TNS3: variants seen among roughly 807,000 people sequenced by gnomAD.
TNS3 encodes tensin-3.
Under a neutral mutation model 140.9 loss-of-function variants are expected in TNS3, and 45 were observed. That is an observed-to-expected ratio of 0.32 (90% CI 0.25 to 0.41). The LOEUF (loss-of-function observed/expected upper bound fraction) is 0.41, where lower values mean the gene tolerates loss of function less well. Ranked by LOEUF, TNS3 falls within the 10% of genes least tolerant of loss-of-function variation. TNS3 has a pLI of 1.00. For synonymous variants in TNS3, 815 were observed against 788.4 expected (o/e 1.03, Z -0.56); for missense variants, 1,716 against 1,906.7 (o/e 0.90, Z 1.86).
chr7:47,551,425 C>T (rs753100015), intron 1 of TNS3, among the ~76,000 whole-genome samples: 2 of 152,196 alleles, frequency 1.3e-5, no homozygotes, highest in Non-Finnish European at 2.9e-5. Flanking sequence ...GGGCACAAAA[C>T]GTCATGTGGC....
chr7:47,369,189 T>A lies in TNS3; in HGVS notation c.1457A>T (p.Asp486Val). The A allele has an allele frequency of 6.2e-7, 1 of 1,614,116 alleles. No individual in the cohort carries two copies. The highest frequency in any genetic ancestry group is 8.5e-7 in the Non-Finnish European group (1 of 1,180,024). ...CCCAAGGCTGTCCACACTGTGCAGG[T>A]CGTGGTGGGGCATCTCGTCATCCAG... ...DILDDEMPHH[D>V]LHSVDSLGTL... Residue 486 changes from aspartate to valine, a missense_variant, in exon 17 of 31, where the codon GAC (aspartate) becomes GTC (valine). By Grantham distance (152) the Asp-to-Val change is radical. Coordinates refer to ENST00000311160, the MANE Select transcript of TNS3 (RefSeq NM_022748.12).
At chr7:47,472,452 G>A (rs2151746222) in intron 4 of TNS3, among the ~76,000 whole-genome samples, 1 of 152,316 alleles carries the variant, frequency 6.6e-6, no homozygotes, top group South Asian at 2.1e-4. Context: ...CTCCTTCACT[G>A]GTACTCACTG....
intron 20 of TNS3, among the ~76,000 whole-genome samples, chr7:47,339,292 A>G (rs1354701449): frequency 1.3e-5 from 2 of 152,104 alleles, no homozygotes; most frequent in Non-Finnish European, 2.9e-5. Flanking sequence ...GATCCCAAAG[A>G]TTTTCTCCCA....
intron 17 of TNS3, among the ~76,000 whole-genome samples, chr7:47,354,819 G>A (rs972371620): frequency 9.2e-5 from 14 of 152,046 alleles, no homozygotes; most frequent in African/African-American, 2.2e-4. Flanking sequence ...CTCTTGTCGC[G>A]GTGACACGCT....
intron 1 of TNS3, among the ~76,000 whole-genome samples, chr7:47,563,976 G>A (rs892645342): frequency 9.9e-5 from 15 of 152,008 alleles, no homozygotes; most frequent in African/African-American, 3.6e-4. Context: ...GGCAGATCAC[G>A]AGGTCAGGAG....
intron 3 of TNS3, among the ~76,000 whole-genome samples, chr7:47,486,924 T>C (rs1469056663): frequency 1.3e-5 from 2 of 152,354 alleles, no homozygotes; most frequent in Non-Finnish European, 2.9e-5. Context: ...TTCAATTCTA[T>C]CTTTTCCAAA....
intron 20 of TNS3, among the ~76,000 whole-genome samples, chr7:47,308,705 C>G (rs1301310133): frequency 1.3e-5 from 2 of 152,162 alleles, no homozygotes; most frequent in South Asian, 2.1e-4. Flanking sequence ...AGTTATCCCC[C>G]ACTACTGGGC....
chr7:47,320,951 A>G (rs1787701100), intron 20 of TNS3, among the ~76,000 whole-genome samples: 1 of 152,226 alleles, frequency 6.6e-6, no homozygotes, highest in Non-Finnish European at 1.5e-5. Context: ...CAAGCACTCG[A>G]AAGATCCATC....
In TNS3 at chr7:47,383,433, T is replaced by C. The variant is rs113160150; in HGVS notation, c.1024+13367A>G. Among the ~76,000 whole-genome samples the C allele has an allele frequency of 9.0e-3, 1,378 of 152,284 alleles. 25 individuals are homozygous for C. The highest frequency in any genetic ancestry group is 0.032 in the African/African-American group (1,315 of 41,554). Reference sequence around the variant, plus strand: ...CCACTAATGAGTACAGGGCTTCTTTTGGGGTGATGAAGATGTTCTGGAATT... The same window carrying C: ...CCACTAATGAGTACAGGGCTTCTTTCGGGGTGATGAAGATGTTCTGGAATT... On this transcript the variant is annotated intron_variant, in intron 16 of 30. Transcript: ENST00000311160.
intron 20 of TNS3, among the ~76,000 whole-genome samples, chr7:47,313,038 G>A (rs1280119841): frequency 6.6e-6 from 1 of 152,218 alleles, no homozygotes; most frequent in Non-Finnish European, 1.5e-5. Context: ...ATGAGACCAT[G>A]TGCAAATTAC....
chr7:47,419,782 G>C (rs1794274973), intron 10 of TNS3, among the ~76,000 whole-genome samples: 1 of 152,072 alleles, frequency 6.6e-6, no homozygotes, highest in African/African-American at 2.4e-5. Flanking sequence ...CCTGCCAACT[G>C]TTCTCTGGCC....
At chr7:47,375,775 TCAG>T (rs1441569949) in intron 16 of TNS3, among the ~76,000 whole-genome samples, 1 of 152,214 alleles carries the variant, frequency 6.6e-6, no homozygotes. Context: ...ATCTCACACT[TCAG>T]CACCCTCCAT....
At chr7:47,415,319 G>A (rs752873199) in intron 10 of TNS3, 113 bp from the exon 11 acceptor site, 30 of 695,164 alleles carry the variant, frequency 4.3e-5, no homozygotes, top group Middle Eastern at 5.7e-4. Flanking sequence ...GGAGAGAATC[G>A]GTCCACTGCT....
Position 47,280,276 on chromosome 7 carries a change from A to T in TNS3, c.4166+10T>A, listed in dbSNP as rs201951346. The T allele has an allele frequency of 1.2e-6, 2 of 1,614,164 alleles. No homozygotes were observed. Among genetic ancestry groups the T allele is most frequent in the Non-Finnish European group, 1.7e-6 (2 of 1,180,014 alleles). On this transcript the variant is annotated intron_variant, in intron 29 of 30. Transcript: ENST00000311160. ...ACACTCCTTGCTCAATAAAAATGCAAATTTCTTACTTCCTGTCTTGTGGGT... is the reference window on the plus strand; with the variant it reads ...ACACTCCTTGCTCAATAAAAATGCATATTTCTTACTTCCTGTCTTGTGGGT...
At chr7:47,300,076 G>A (rs1352280069) in intron 23 of TNS3, among the ~76,000 whole-genome samples, 2 of 152,170 alleles carry the variant, frequency 1.3e-5, no homozygotes, top group Non-Finnish European at 2.9e-5. Context: ...TTAAGTATGT[G>A]ACAAATTGCA....
chr7:47,419,042 C>A (rs1210904068), intron 10 of TNS3, among the ~76,000 whole-genome samples: 2 of 152,254 alleles, frequency 1.3e-5, no homozygotes, highest in Admixed American at 6.5e-5. Flanking sequence ...GTCAGCCAAG[C>A]CTGGGCTGTT....
chr7:47,296,852 G>T (rs1003768265), intron 24 of TNS3, among the ~76,000 whole-genome samples: 1 of 152,012 alleles, frequency 6.6e-6, no homozygotes, highest in Non-Finnish European at 1.5e-5. Flanking sequence ...TCTAATTTTT[G>T]AACAATGAAA....
intron 12 of TNS3, among the ~76,000 whole-genome samples, chr7:47,412,995 C>T (rs990019215): frequency 1.3e-5 from 2 of 152,008 alleles, no homozygotes; most frequent in Non-Finnish European, 2.9e-5. Flanking sequence ...CGCTCTGTCG[C>T]CAGGCTGGAG....
At chr7:47,375,782 C>T (rs1321301253) in intron 16 of TNS3, among the ~76,000 whole-genome samples, 1 of 152,206 alleles carries the variant, frequency 6.6e-6, no homozygotes, top group African/African-American at 2.4e-5. Context: ...ACTTCAGCAC[C>T]CTCCATCATC....
Sources: allele counts gnomAD v4.1 joint callset (sites outside exome capture counted in the v4.1 genomes callset), GRCh38; gene constraint gnomAD v4.1.1; transcripts MANE v1.5; gene names NCBI Gene and HGNC (gene_info 2026-07-23, HGNC 2026-07-21).